CRIM1: variants seen among roughly 807,000 people sequenced by gnomAD.
CRIM1 encodes the protein cysteine rich transmembrane BMP regulator 1, also known as cysteine-rich motor neuron 1 protein.
CRIM1 carries 32 observed loss-of-function variants against 116.4 expected under a neutral mutation model. The ratio of observed to expected loss-of-function variants is 0.27; its 90% confidence interval spans 0.21 to 0.37. The LOEUF is 0.37. Among genes scored for constraint, CRIM1 ranks in the 10% least tolerant of loss-of-function variants. The probability of loss-of-function intolerance (pLI) is 1.00; values close to 1 mark genes in which losing one functional copy is unlikely to be tolerated. For missense variants in CRIM1, 1,331 were observed against 1,354.8 expected, an observed-to-expected ratio of 0.98 and a Z score of 0.28; for synonymous variants, 590 against 509.2, an observed-to-expected ratio of 1.16 and a Z score of -2.13.
At chr2:36,453,473 A>G (rs141514581) in intron 4 of CRIM1, among the ~76,000 whole-genome samples, 1 of 152,308 alleles carries the variant, frequency 6.6e-6, no homozygotes, top group East Asian at 1.9e-4. Flanking sequence ...GACCCACCCT[A>G]TATATTTCAT....
chr2:36,415,015 A>G (rs954636156), intron 2 of CRIM1, among the ~76,000 whole-genome samples: 4 of 152,208 alleles, frequency 2.6e-5, no homozygotes, highest in Non-Finnish European at 5.9e-5. Flanking sequence ...AACATTATTT[A>G]GGCCACTGAA....
At chr2:36,390,185 C>T (rs1288581495) in intron 1 of CRIM1, among the ~76,000 whole-genome samples, 2 of 151,950 alleles carry the variant, frequency 1.3e-5, no homozygotes, top group African/African-American at 4.8e-5. Context: ...GTGTTTCCTG[C>T]CTTGGCAATA....
intron 4 of CRIM1, among the ~76,000 whole-genome samples, chr2:36,452,007 G>A (rs1269264803): frequency 1.3e-5 from 2 of 151,970 alleles, no homozygotes; most frequent in African/African-American, 4.8e-5. Flanking sequence ...AACTATCCCT[G>A]CATATGCATT....
At chr2:36,478,236 A>G (rs1218987021) in intron 6 of CRIM1, among the ~76,000 whole-genome samples, 1 of 152,234 alleles carries the variant, frequency 6.6e-6, no homozygotes, top group South Asian at 2.1e-4. Flanking sequence ...TTTACCCAAC[A>G]TAGGAGAAAA....
chr2:36,403,585 A>G (rs570279541), intron 2 of CRIM1, among the ~76,000 whole-genome samples: 109 of 152,282 alleles, frequency 7.2e-4, no homozygotes, highest in African/African-American at 2.6e-3. Context: ...ACAGAGAGGT[A>G]CAGATAGGAA....
chr2:36,473,437 C>G (rs848552), intron 5 of CRIM1, among the ~76,000 whole-genome samples: 91,391 of 151,874 alleles, frequency 0.6, 28,213 homozygotes, highest in South Asian at 0.72. Flanking sequence ...GCTCAGAGTT[C>G]TGCAATCATC....
chr2:36,464,487 G>A (rs1288718520), intron 4 of CRIM1, 47 bp from the exon 5 acceptor site: 4 of 1,610,832 alleles, frequency 2.5e-6, no homozygotes, highest in Admixed American at 1.7e-5. Context: ...CGACTTCTAT[G>A]TTGTTGTTTA....
chr2:36,513,699 A>C lies in CRIM1; in HGVS notation c.1924A>C (p.Thr642Pro), dbSNP rs963018344. The change falls in exon 11 of 17, where the codon ACC becomes CCC. Residue 642 changes from threonine to proline, a missense_variant. Physicochemically the swap from Thr to Pro is conservative, Grantham distance 38 (BLOSUM62 -1). Around this residue, in one of 3 missense-constraint regions of CRIM1, gnomAD observed 358 missense variants for 436.1 expected, o/e 0.82. Transcript: ENST00000280527. ...LNGREMCALITCPVPACGNPT... is the reference protein window; with the variant it reads ...LNGREMCALIPCPVPACGNPT... The stretch of plus-strand genomic sequence containing the variant: ...TGGACGGGAAATGTGTGCCCTGATC[A>C]CCTGCCCGGTGCCTGCCTGTGGCAA... 2 of 1,614,160 alleles carry C rather than the reference A, an allele frequency of 1.2e-6. No individual in the cohort carries two copies. Among genetic ancestry groups the C allele is most frequent in the Non-Finnish European group, 1.7e-6 (2 of 1,180,018 alleles).
intron 1 of CRIM1, among the ~76,000 whole-genome samples, chr2:36,385,163 A>C (rs1671086592): frequency 6.6e-6 from 1 of 151,708 alleles, no homozygotes. Flanking sequence ...CCAGTATTAG[A>C]GTTAATGGCA....
chr2:36,455,953 G>T (rs980228342), intron 4 of CRIM1, among the ~76,000 whole-genome samples: 3 of 152,138 alleles, frequency 2.0e-5, no homozygotes, highest in Non-Finnish European at 4.4e-5. Flanking sequence ...TGATGACAAG[G>T]ATGAGAGGCT....
chr2:36,545,085 T>C lies in CRIM1; in HGVS notation c.2746+587T>C, dbSNP rs79164023. Among the ~76,000 whole-genome samples the C allele has an allele frequency of 4.0e-3, 611 of 152,340 alleles. 1 individual carries two copies. The highest frequency in any genetic ancestry group is 0.014 in the African/African-American group (584 of 41,578). Reference sequence around the variant, plus strand: ...GTCACTATTTCCTTTTCTATAAAAGTAGACCTCTTCTTGATCAGTAGTATA... The same window carrying C: ...GTCACTATTTCCTTTTCTATAAAAGCAGACCTCTTCTTGATCAGTAGTATA... On this transcript the variant is annotated intron_variant, in intron 15 of 16. Transcript: ENST00000280527.
intron 1 of CRIM1, among the ~76,000 whole-genome samples, chr2:36,370,348 C>A (rs1305632611): frequency 6.6e-6 from 1 of 151,908 alleles, no homozygotes; most frequent in Non-Finnish European, 1.5e-5. Flanking sequence ...ATGAAAGAAG[C>A]CAGAGGTGTT....
Position 36,418,287 on chromosome 2 carries a change from C to G in CRIM1, c.505+21500C>G, listed in dbSNP as rs149174722. ...TCTTCTTTGAGTCCTGCCTCTCTCA[C>G]TTTTCATGTTTGAGCTCTTTTTATT... On this transcript the variant is annotated intron_variant, in intron 2 of 16. Coordinates refer to ENST00000280527, the MANE Select transcript of CRIM1 (RefSeq NM_016441.3). Among the ~76,000 whole-genome samples, 113 of 152,254 alleles carry G rather than the reference C, an allele frequency of 7.4e-4. 1 individual carries two copies. Among genetic ancestry groups the G allele is most frequent in the African/African-American group, 2.5e-3 (104 of 41,540 alleles).
At chr2:36,455,429 C>T (rs1269758243) in intron 4 of CRIM1, among the ~76,000 whole-genome samples, 1 of 152,174 alleles carries the variant, frequency 6.6e-6, no homozygotes, top group Non-Finnish European at 1.5e-5. Flanking sequence ...CCCCACTGTA[C>T]ATAGGCTACA....
intron 1 of CRIM1, among the ~76,000 whole-genome samples, chr2:36,370,869 A>T (rs1385380824): frequency 6.6e-6 from 1 of 152,168 alleles, no homozygotes; most frequent in Non-Finnish European, 1.5e-5. Context: ...TTAACTTCCC[A>T]TAGGACCTTA....
chr2:36,500,512 G>A (rs989296980), intron 8 of CRIM1, among the ~76,000 whole-genome samples: 12 of 152,016 alleles, frequency 7.9e-5, no homozygotes, highest in African/African-American at 2.4e-4. Flanking sequence ...GTAATAGAAC[G>A]TTTGATTTTT....
rs573008015 is a variant in CRIM1 at position 36,357,107 on chromosome 2, C to T, written c.331+484C>T. 2.6e-4 allele frequency among the ~76,000 whole-genome samples: 40 copies of T among 152,328 alleles called. No homozygotes were observed. In the South Asian group the frequency reaches 7.2e-3, roughly 28 times the overall value. ...TGGCGGAGGAGACGTGTCTCCAGCT[C>T]GCACTCCCCGAGTGACTCTTATTAT... On this transcript the variant is annotated intron_variant, in intron 1 of 16. Transcript: ENST00000280527.
At chr2:36,357,137 T>G (rs1424969065) in intron 1 of CRIM1, among the ~76,000 whole-genome samples, 1 of 152,220 alleles carries the variant, frequency 6.6e-6, no homozygotes, top group East Asian at 1.9e-4. Context: ...TATTATTTTT[T>G]CCTTGAGCTC....
intron 4 of CRIM1, among the ~76,000 whole-genome samples, chr2:36,451,111 C>G (rs770513429): frequency 6.6e-6 from 1 of 152,188 alleles, no homozygotes; most frequent in Non-Finnish European, 1.5e-5. Context: ...TCGGTTAAAA[C>G]AGTTAAATAA....
Sources: allele counts gnomAD v4.1 joint callset (sites outside exome capture counted in the v4.1 genomes callset), GRCh38; gene constraint gnomAD v4.1.1; regional missense constraint gnomAD v4.1.1; transcripts MANE v1.5; gene names NCBI Gene and HGNC (gene_info 2026-07-23, HGNC 2026-07-21).